Variants in PRKCE observed in about 807,000 individuals in gnomAD.
The protein encoded by PRKCE is protein kinase C epsilon.
PRKCE carries 16 observed loss-of-function variants against 85.4 expected under a neutral mutation model. The ratio of observed to expected loss-of-function variants is 0.19; its 90% confidence interval spans 0.13 to 0.28. The LOEUF is 0.28. Ranked by LOEUF, PRKCE falls within the 10% of genes least tolerant of loss-of-function variation. The pLI, the probability that PRKCE is intolerant of heterozygous loss-of-function variation, is 1.00. For synonymous variants in PRKCE, 388 were observed against 371.5 expected, an observed-to-expected ratio of 1.04 and a Z score of -0.51; for missense variants, 573 against 975.2, an observed-to-expected ratio of 0.59 and a Z score of 5.49.
intron 2 of PRKCE, among the ~76,000 whole-genome samples, chr2:45,958,190 C>CAAAAA (rs60711691): frequency 2.1e-4 from 23 of 110,054 alleles, no homozygotes; most frequent in East Asian, 5.5e-4. Context: ...ATTAGGCCCG[C>CAAAAA]AAAAAAAAAA....
intron 1 of PRKCE, chr2:45,676,728 C>T (rs944026698): frequency 4.5e-4 from 69 of 152,368 alleles, no homozygotes; most frequent in African/African-American, 1.6e-3. Context: ...GCAGGCCCAT[C>T]CTTCTGTGGT....
At chr2:45,787,368 G>GAC (rs1686691408) in intron 1 of PRKCE, among the ~76,000 whole-genome samples, 1 of 152,142 alleles carries the variant, frequency 6.6e-6, no homozygotes. Context: ...GAGAGAGAGA[G>GAC]ACACAAAGTC....
rs1669555962 is a variant in PRKCE, at chr2:46,085,739, TTTTTTTTTTGTTTTTG to T, written c.1438-459_1438-444del. Among the ~76,000 whole-genome samples, 7 of 17,384 alleles carry T rather than the reference TTTTTTTTTTGTTTTTG, an allele frequency of 4.0e-4. 1 individual carries two copies. Among genetic ancestry groups the T allele is most frequent in the Non-Finnish European group, 8.3e-4 (6 of 7,226 alleles). 11.4% of individuals were successfully genotyped at this position (17,384 alleles called of 152,430 possible). ...CTTAATTACATCTGCAAAATCCGTTTTTTTTTTTTGTTTTTGTTTTTTTTTTTTTTTTTAGCCATAT... is the reference window on the plus strand; with the variant it reads ...CTTAATTACATCTGCAAAATCCGTTTTTTTTTTTTTTTTTTTTAGCCATAT... On this transcript the variant is annotated intron_variant, in intron 10 of 14. Transcript: ENST00000306156.
Position 46,001,843 on chromosome 2 carries a change from C to A in PRKCE, c.966+297C>A, listed in dbSNP as rs1018945565. 2.6e-5 allele frequency among the ~76,000 whole-genome samples: 4 copies of A among 152,136 alleles called. No homozygotes were observed. The highest frequency in any genetic ancestry group is 9.7e-5 in the African/African-American group (4 of 41,416). ...TCCTTCTAGAAAAAGCTTAACAACT[C>A]CATACAAGGAAATGGACTTATCTGC... On this transcript the variant is annotated intron_variant, in intron 7 of 14. Transcript: ENST00000306156. This position sits in a 1 kb window ranked among gnomAD's most constrained non-coding sequence, Gnocchi z 4.4.
chr2:45,742,200 A>G (rs1223956373), intron 1 of PRKCE, among the ~76,000 whole-genome samples: 4 of 152,200 alleles, frequency 2.6e-5, no homozygotes, highest in Admixed American at 2.6e-4. Context: ...TTTGCAAACC[A>G]TATATCCAAT....
rs1359713641 is a variant in PRKCE, at chr2:46,145,030, A to C, written c.1593-63A>C. ...TCCCTAAGATAGGCACATACCTCCAACTCAGGAAGACTATATTGGGGTGAG... is the reference window on the plus strand; with the variant it reads ...TCCCTAAGATAGGCACATACCTCCACCTCAGGAAGACTATATTGGGGTGAG... On this transcript the variant is annotated intron_variant, in intron 11 of 14. Transcript: ENST00000306156. This position sits in a 1 kb window ranked among gnomAD's most constrained non-coding sequence, Gnocchi z 4.6. The C allele has an allele frequency of 1.6e-5, 25 of 1,587,574 alleles. No individual in the cohort carries two copies. The highest frequency in any genetic ancestry group is 2.0e-5 in the Non-Finnish European group (24 of 1,170,788).
chr2:45,834,061 G>A (rs1690652167), intron 1 of PRKCE, among the ~76,000 whole-genome samples: 1 of 152,314 alleles, frequency 6.6e-6, no homozygotes, highest in Admixed American at 6.5e-5. Flanking sequence ...GTCATCAGAG[G>A]GAGCCAGCTC....
At chr2:45,855,989 G>A (rs890276050) in intron 2 of PRKCE, among the ~76,000 whole-genome samples, 4 of 151,912 alleles carry the variant, frequency 2.6e-5, no homozygotes, top group Non-Finnish European at 4.4e-5. Flanking sequence ...ATTAAAAGGC[G>A]AACCCTCCCT....
intron 10 of PRKCE, among the ~76,000 whole-genome samples, chr2:46,055,186 T>C (rs1393519738): frequency 6.6e-6 from 1 of 152,236 alleles, no homozygotes; most frequent in Non-Finnish European, 1.5e-5. Context: ...AAAAGGACAC[T>C]ATTATACTGC....
intron 10 of PRKCE, among the ~76,000 whole-genome samples, chr2:46,017,589 A>G (rs1647969745): frequency 6.6e-6 from 1 of 152,222 alleles, no homozygotes; most frequent in South Asian, 2.1e-4. Context: ...CCTGGATCAT[A>G]TAGTAATTCT....
chr2:45,864,740 G>A (rs986465033), intron 2 of PRKCE, among the ~76,000 whole-genome samples: 3 of 152,144 alleles, frequency 2.0e-5, no homozygotes, highest in African/African-American at 7.2e-5. Flanking sequence ...AATTGTTTGC[G>A]TGGGAGCCCG....
intron 11 of PRKCE, among the ~76,000 whole-genome samples, chr2:46,126,432 C>G (rs988259753): frequency 2.0e-5 from 3 of 152,050 alleles, no homozygotes; most frequent in Non-Finnish European, 2.9e-5. Flanking sequence ...GGGCACTGAA[C>G]CCCCACATGG....
intron 10 of PRKCE, among the ~76,000 whole-genome samples, chr2:46,081,324 C>A (rs1023286280): frequency 6.6e-6 from 1 of 152,148 alleles, no homozygotes; most frequent in African/African-American, 2.4e-5. Flanking sequence ...GCCCCCTAAC[C>A]TTTTTTGTTC....
chr2:46,125,716 T>TACAG (rs1673784368), intron 11 of PRKCE, among the ~76,000 whole-genome samples: 1 of 152,224 alleles, frequency 6.6e-6, no homozygotes, highest in South Asian at 2.1e-4. Context: ...TCACAGTATA[T>TACAG]ACAGACACTT....
chr2:45,770,711 T>C (rs568616938), intron 1 of PRKCE: 22 of 152,320 alleles, frequency 1.4e-4, no homozygotes, highest in African/African-American at 5.1e-4. Flanking sequence ...TCTCTAACCG[T>C]ACCCTCTCTC....
intron 2 of PRKCE, among the ~76,000 whole-genome samples, chr2:45,876,124 T>C (rs1238367476): frequency 1.3e-5 from 2 of 152,236 alleles, no homozygotes; most frequent in Admixed American, 6.5e-5. Flanking sequence ...TTTAAGATAA[T>C]AAAATATTAC....
At chr2:46,128,879 G>A (rs1355303739) in intron 11 of PRKCE, among the ~76,000 whole-genome samples, 1 of 152,114 alleles carries the variant, frequency 6.6e-6, no homozygotes, top group Non-Finnish European at 1.5e-5. Flanking sequence ...TCCTGCTCGT[G>A]GGCACTTGAC....
chr2:46,064,999 T>A (rs901513387), intron 10 of PRKCE, among the ~76,000 whole-genome samples: 6 of 152,222 alleles, frequency 3.9e-5, no homozygotes, highest in Non-Finnish European at 7.3e-5. Context: ...TGTTCTAGCT[T>A]GAGAAGCCAT....
At chr2:46,172,278 G>T (rs1558527386) in intron 14 of PRKCE, among the ~76,000 whole-genome samples, 1 of 152,202 alleles carries the variant, frequency 6.6e-6, no homozygotes, top group Non-Finnish European at 1.5e-5. Flanking sequence ...AGACTCCTGG[G>T]GCACTTAGCG....
Sources: allele counts gnomAD v4.1 joint callset (sites outside exome capture counted in the v4.1 genomes callset), GRCh38; gene constraint gnomAD v4.1.1; non-coding constraint Gnocchi (gnomAD v3.1); transcripts MANE v1.5; gene names NCBI Gene and HGNC (gene_info 2026-07-23, HGNC 2026-07-21).